Variants in CNTNAP2 observed in about 807,000 individuals in gnomAD.
CNTNAP2 encodes contactin-associated protein-like 2.
CNTNAP2 carries 98 observed loss-of-function variants against 155.2 expected under a neutral mutation model. The ratio of observed to expected loss-of-function variants is 0.63; its 90% CI spans 0.54 to 0.75. CNTNAP2 has a LOEUF of 0.75. Among genes scored for constraint, CNTNAP2 ranks in the 30% least tolerant of loss-of-function variants. CNTNAP2 has a pLI of 0.00. For synonymous variants in CNTNAP2, 651 were observed against 631.2 expected (o/e 1.03, Z -0.47); for missense variants, 1,727 against 1,688.1 (o/e 1.02, Z -0.40).
At chr7:147,003,935 G>T (rs947760183) in intron 3 of CNTNAP2, among the ~76,000 whole-genome samples, 1 of 151,988 alleles carries the variant, frequency 6.6e-6, no homozygotes, top group Non-Finnish European at 1.5e-5. Flanking sequence ...AGGTGGCTGA[G>T]GCAGAAAGAT....
intron 13 of CNTNAP2, among the ~76,000 whole-genome samples, chr7:147,719,217 T>G (rs148038990): frequency 0.01 from 1,582 of 152,176 alleles, 16 homozygotes; most frequent in Middle Eastern, 0.02. Context: ...ACCTAAGCAC[T>G]GCCAAATGCC....
intron 10 of CNTNAP2, among the ~76,000 whole-genome samples, chr7:147,458,603 G>A (rs1040259053): frequency 3.0e-4 from 46 of 152,162 alleles, no homozygotes; most frequent in Non-Finnish European, 5.9e-5. Flanking sequence ...CGGACATGCA[G>A]GAAGATCCCC....
intron 3 of CNTNAP2, among the ~76,000 whole-genome samples, chr7:146,897,959 C>T (rs2129212934): frequency 6.6e-6 from 1 of 152,026 alleles, no homozygotes; most frequent in East Asian, 1.9e-4. Context: ...TATCTAAAAA[C>T]AATTCAGTGA....
chr7:148,105,007 A>T (rs1219620894), intron 15 of CNTNAP2, among the ~76,000 whole-genome samples: 1 of 152,218 alleles, frequency 6.6e-6, no homozygotes, highest in African/African-American at 2.4e-5. Context: ...CAAGAAACAC[A>T]TATTGAATAC....
intron 11 of CNTNAP2, among the ~76,000 whole-genome samples, chr7:147,498,852 A>G (rs1266172316): frequency 6.6e-6 from 1 of 152,166 alleles, no homozygotes; most frequent in Non-Finnish European, 1.5e-5. Flanking sequence ...GATGAAATAA[A>G]TGAATATCAG....
chr7:147,700,953 G>A lies in CNTNAP2; in HGVS notation c.2098+61647G>A, dbSNP rs1796228120. 2.6e-5 allele frequency among the ~76,000 whole-genome samples: 4 copies of A among 152,258 alleles called. No individual in the cohort carries two copies. The South Asian group carries it at 6.2e-4, about 24-fold the overall frequency. On this transcript the variant is annotated intron_variant, in intron 13 of 23. Coordinates refer to ENST00000361727, the MANE Select transcript of CNTNAP2 (RefSeq NM_014141.6). ...GAGAGTGGAACACCGCTGGGCAGGG[G>A]GTCTCTGTGCTGTGAAATCTGAAGC...
At chr7:147,204,183 G>C (rs1215806616) in intron 8 of CNTNAP2, among the ~76,000 whole-genome samples, 2 of 151,792 alleles carry the variant, frequency 1.3e-5, no homozygotes, top group South Asian at 2.1e-4. Flanking sequence ...TAAGAGAGCA[G>C]CTTATGCCAA....
At chr7:146,580,552 C>T (rs1798596604) in intron 1 of CNTNAP2, among the ~76,000 whole-genome samples, 1 of 151,502 alleles carries the variant, frequency 6.6e-6, no homozygotes, top group Admixed American at 6.6e-5. Context: ...AGAAACAAAC[C>T]ACATTTTTCT....
chr7:148,082,276 T>C (rs1803624041), intron 15 of CNTNAP2, among the ~76,000 whole-genome samples: 1 of 152,184 alleles, frequency 6.6e-6, no homozygotes, highest in Non-Finnish European at 1.5e-5. Flanking sequence ...ACTAGAACAA[T>C]ACTTGTATTT....
intron 3 of CNTNAP2, among the ~76,000 whole-genome samples, chr7:146,927,797 A>G (rs1409012774): frequency 1.3e-5 from 2 of 151,792 alleles, no homozygotes; most frequent in Admixed American, 6.6e-5. Flanking sequence ...GTATGTATAC[A>G]TGTATATGTC....
At chr7:147,337,515 T>G (rs527525610) in intron 9 of CNTNAP2, among the ~76,000 whole-genome samples, 1 of 152,174 alleles carries the variant, frequency 6.6e-6, no homozygotes, top group Non-Finnish European at 1.5e-5. Flanking sequence ...TGTCCTGCAG[T>G]GCTGTGTGTC....
chr7:146,119,683 A>G (rs1218289794), intron 1 of CNTNAP2, among the ~76,000 whole-genome samples: 3 of 152,142 alleles, frequency 2.0e-5, no homozygotes, highest in Non-Finnish European at 4.4e-5. Flanking sequence ...CGCTTAATAA[A>G]TTCACTTTTT....
At position 146,770,971 on chromosome 7, in the gene CNTNAP2, T is replaced by C. The variant is rs112764619; in HGVS notation, c.98-3300T>C. 3.3e-3 allele frequency among the ~76,000 whole-genome samples: 503 copies of C among 152,034 alleles called. 3 individuals carry two copies. Among genetic ancestry groups the C allele is most frequent in the African/African-American group, 0.012 (491 of 41,486 alleles). Reference sequence around the variant, plus strand: ...ATTGAGCAGGTATGGACTAGAAAAATTTCTCCTAGCATGATCCTGCAGATT... The same window carrying C: ...ATTGAGCAGGTATGGACTAGAAAAACTTCTCCTAGCATGATCCTGCAGATT... On this transcript the variant is annotated intron_variant, in intron 1 of 23. Coordinates refer to ENST00000361727, the MANE Select transcript of CNTNAP2 (RefSeq NM_014141.6).
intron 14 of CNTNAP2, among the ~76,000 whole-genome samples, chr7:147,945,063 G>T (rs1287096445): frequency 6.6e-6 from 1 of 152,132 alleles, no homozygotes; most frequent in African/African-American, 2.4e-5. Context: ...GCATTGCATA[G>T]CTTCAATTGC....
At chr7:148,151,581 C>A (rs1228651765) in intron 17 of CNTNAP2, among the ~76,000 whole-genome samples, 1 of 152,208 alleles carries the variant, frequency 6.6e-6, no homozygotes, top group African/African-American at 2.4e-5. Flanking sequence ...CAGGCATGAG[C>A]CACTATGCCC....
chr7:147,795,781 C>A (rs886897565), intron 13 of CNTNAP2, among the ~76,000 whole-genome samples: 1 of 152,088 alleles, frequency 6.6e-6, no homozygotes, highest in African/African-American at 2.4e-5. Context: ...TTCATATAAC[C>A]TCTCTTGGAC....
intron 1 of CNTNAP2, among the ~76,000 whole-genome samples, chr7:146,668,955 T>G (rs995776459): frequency 6.6e-6 from 1 of 152,142 alleles, no homozygotes; most frequent in Non-Finnish European, 1.5e-5. Flanking sequence ...AAATTCATTT[T>G]TTGTCTCAGA....
chr7:148,064,242 AT>A (rs545361189), intron 15 of CNTNAP2, among the ~76,000 whole-genome samples: 2 of 151,356 alleles, frequency 1.3e-5, no homozygotes, highest in Non-Finnish European at 3.0e-5. Flanking sequence ...TGAATTTAGG[AT>A]TTTTTTTCTA....
chr7:147,705,279 GATTTCTTCCTTA>G (rs1796293287), intron 13 of CNTNAP2, among the ~76,000 whole-genome samples: 2 of 151,986 alleles, frequency 1.3e-5, no homozygotes, highest in African/African-American at 2.4e-5. Flanking sequence ...GATATTTCTT[GATTTCTTCCTTA>G]ATTTCTTCCT....
Sources: allele counts gnomAD v4.1 joint callset (sites outside exome capture counted in the v4.1 genomes callset), GRCh38; gene constraint gnomAD v4.1.1; transcripts MANE v1.5; gene names NCBI Gene and HGNC (gene_info 2026-07-23, HGNC 2026-07-21).